ARL15: variants seen among roughly 807,000 people sequenced by gnomAD.
ARL15 encodes the protein ADP-ribosylation factor-like protein 15.
In ARL15, 19 loss-of-function variants were observed where a neutral mutation model predicts 25.2. That is an observed-to-expected ratio of 0.75 (90% CI 0.53 to 1.10). ARL15 has a LOEUF of 1.10. ARL15 is among the 50% of genes least tolerant of loss of function. The pLI, the probability that ARL15 is intolerant of heterozygous loss-of-function variation, is 0.00. For missense variants in ARL15, 220 were observed against 246.0 expected, an observed-to-expected ratio of 0.89 and a Z score of 0.71; for synonymous variants, 94 against 86.8, an observed-to-expected ratio of 1.08 and a Z score of -0.46.
chr5:54,265,421 C>T (rs1017787626), intron 1 of ARL15, among the ~76,000 whole-genome samples: 1 of 152,064 alleles, frequency 6.6e-6, no homozygotes, highest in African/African-American at 2.4e-5. Context: ...AAAAACAATC[C>T]TAAATAATCA....
At chr5:53,911,203 G>A (rs1430540402) in intron 4 of ARL15, among the ~76,000 whole-genome samples, 1 of 152,106 alleles carries the variant, frequency 6.6e-6, no homozygotes, top group Non-Finnish European at 1.5e-5. Context: ...TTCAACTGAA[G>A]TTCACTCATT....
intron 4 of ARL15, among the ~76,000 whole-genome samples, chr5:53,989,875 G>C (rs2111649431): frequency 6.6e-6 from 1 of 152,290 alleles, no homozygotes; most frequent in South Asian, 2.1e-4. Flanking sequence ...AGGGCACTTT[G>C]TTGTGTAAGA....
chr5:53,971,548 A>G (rs141530224), intron 4 of ARL15, among the ~76,000 whole-genome samples: 337 of 152,280 alleles, frequency 2.2e-3, no homozygotes, highest in African/African-American at 7.9e-3. Context: ...CATTATCCTC[A>G]TTCATTTACA....
intron 1 of ARL15, among the ~76,000 whole-genome samples, chr5:54,250,836 T>C (rs938526585): frequency 1.3e-5 from 2 of 152,074 alleles, no homozygotes; most frequent in Non-Finnish European, 2.9e-5. Context: ...GATCTAGACT[T>C]ACAAGTAGGC....
chr5:54,105,658 C>T (rs535917958), intron 4 of ARL15, among the ~76,000 whole-genome samples: 11 of 152,254 alleles, frequency 7.2e-5, no homozygotes, highest in African/African-American at 2.4e-4. Context: ...TCTTGGCTCA[C>T]TGCAGTCTCC....
chr5:53,963,662 GCTGGGCATGGTGGTGGACAC>G (rs1393887742), intron 4 of ARL15, among the ~76,000 whole-genome samples: 1 of 151,958 alleles, frequency 6.6e-6, no homozygotes, highest in East Asian at 1.9e-4. Context: ...ACAAAAATTA[GCTGGGCATGGTGGTGGACAC>G]CTGTAATCCC....
At chr5:54,258,337 T>A (rs991360282) in intron 1 of ARL15, among the ~76,000 whole-genome samples, 3 of 151,860 alleles carry the variant, frequency 2.0e-5, no homozygotes, top group African/African-American at 7.3e-5. Flanking sequence ...CAAAAAGAAA[T>A]CAACCCATCC....
At chr5:54,185,080 C>A (rs1032321585) in intron 1 of ARL15, among the ~76,000 whole-genome samples, 1 of 152,142 alleles carries the variant, frequency 6.6e-6, no homozygotes, top group African/African-American at 2.4e-5. Context: ...ATGGGGACCA[C>A]AGGAAATAAC....
At chr5:54,300,676 G>C (rs745902109) in intron 1 of ARL15, among the ~76,000 whole-genome samples, 3 of 152,096 alleles carry the variant, frequency 2.0e-5, no homozygotes, top group Non-Finnish European at 4.4e-5. Flanking sequence ...ACAAAATTCT[G>C]GCAATTCTTA....
At chr5:53,910,241 G>A (rs1745406343) in intron 4 of ARL15, among the ~76,000 whole-genome samples, 1 of 152,076 alleles carries the variant, frequency 6.6e-6, no homozygotes, top group East Asian at 1.9e-4. Context: ...CAGATCTCCT[G>A]GGAGAAGTAA....
At chr5:54,021,643 C>T (rs1022780293) in intron 4 of ARL15, among the ~76,000 whole-genome samples, 5 of 152,040 alleles carry the variant, frequency 3.3e-5, no homozygotes, top group Admixed American at 6.5e-5. Context: ...GGACCATAAT[C>T]GAAGATTTCC....
chr5:53,947,594 T>C (rs1460073314), intron 4 of ARL15, among the ~76,000 whole-genome samples: 1 of 152,146 alleles, frequency 6.6e-6, no homozygotes, highest in African/African-American at 2.4e-5. Context: ...CAACTGGGAT[T>C]GTAGGATCCC....
Position 54,186,027 on chromosome 5 carries a change from G to A in ARL15, c.49-14099C>T, listed in dbSNP as rs565299436. Among the ~76,000 whole-genome samples, 494 of 151,992 alleles carry A rather than the reference G, an allele frequency of 3.3e-3. 1 individual carries two copies. Among genetic ancestry groups the A allele is most frequent in the Non-Finnish European group, 6.0e-3 (405 of 67,966 alleles). On this transcript the variant is annotated intron_variant, in intron 1 of 4. Transcript: ENST00000504924. ...TATGACATATAGTGGGACAATCGTTGGATTATTTTCTTCCCCTAAAGGTGA... is the reference window on the plus strand; with the variant it reads ...TATGACATATAGTGGGACAATCGTTAGATTATTTTCTTCCCCTAAAGGTGA...
chr5:54,013,635 T>C (rs537091981), intron 4 of ARL15, among the ~76,000 whole-genome samples: 1 of 152,260 alleles, frequency 6.6e-6, no homozygotes, highest in South Asian at 2.1e-4. Flanking sequence ...CTACTATAAA[T>C]AACATCACTA....
chr5:54,116,082 C>A (rs1752890866), intron 3 of ARL15, among the ~76,000 whole-genome samples: 1 of 152,168 alleles, frequency 6.6e-6, no homozygotes, highest in Admixed American at 6.5e-5. Flanking sequence ...ATGGATTGAA[C>A]CACAGAAGTT....
chr5:53,950,185 C>CT (rs1746897819), intron 4 of ARL15, among the ~76,000 whole-genome samples: 1 of 151,444 alleles, frequency 6.6e-6, no homozygotes, highest in Admixed American at 6.6e-5. Flanking sequence ...TCCCAGCACT[C>CT]TGAGAGGCTG....
At chr5:54,255,916 G>A (rs893855184) in intron 1 of ARL15, among the ~76,000 whole-genome samples, 1 of 151,958 alleles carries the variant, frequency 6.6e-6, no homozygotes, top group Non-Finnish European at 1.5e-5. Context: ...ACAGCAAGAG[G>A]AAAGTGCTAA....
chr5:54,060,861 AGAG>A (rs1428871768), intron 4 of ARL15, among the ~76,000 whole-genome samples: 5 of 152,228 alleles, frequency 3.3e-5, no homozygotes, highest in Admixed American at 6.5e-5. Context: ...AAAGCATTCA[AGAG>A]GAGACTTGGA....
chr5:53,914,306 A>G (rs1745562298), intron 4 of ARL15, among the ~76,000 whole-genome samples: 1 of 152,164 alleles, frequency 6.6e-6, no homozygotes, highest in South Asian at 2.1e-4. Context: ...AAGGAAAAAA[A>G]AAATCCCTCT....
Sources: allele counts gnomAD v4.1 joint callset (sites outside exome capture counted in the v4.1 genomes callset), GRCh38; gene constraint gnomAD v4.1.1; transcripts MANE v1.5; gene names NCBI Gene and HGNC (gene_info 2026-07-23, HGNC 2026-07-21).